PBX1: variants seen among roughly 807,000 people sequenced by gnomAD.
PBX1 encodes the protein PBX homeobox 1, also known as pre-B-cell leukemia transcription factor 1.
In PBX1, 6 loss-of-function variants were observed where a neutral mutation model predicts 53.4. The ratio of observed to expected loss-of-function variants is 0.11; its 90% CI spans 0.06 to 0.22. The LOEUF (loss-of-function observed/expected upper bound fraction) is 0.22. Among genes scored for constraint, PBX1 ranks in the 10% least tolerant of loss-of-function variants. PBX1 has a pLI of 1.00. For missense variants in PBX1, 251 were observed against 551.4 expected (o/e 0.46, Z 5.46); for synonymous variants, 204 against 212.3 (o/e 0.96, Z 0.34).
intron 2 of PBX1, among the ~76,000 whole-genome samples, chr1:164,665,232 C>T (rs771078433): frequency 1.3e-5 from 2 of 152,082 alleles, no homozygotes; most frequent in Non-Finnish European, 2.9e-5. Flanking sequence ...AAGTATTAAA[C>T]ATTTTAAGAA....
intron 2 of PBX1, among the ~76,000 whole-genome samples, chr1:164,677,007 G>A (rs1335344985): frequency 6.6e-6 from 1 of 151,470 alleles, no homozygotes; most frequent in East Asian, 1.9e-4. Context: ...GTAATTCTAA[G>A]GTTTCAACAT....
At chr1:164,644,206 G>A (rs1317144576) in intron 2 of PBX1, among the ~76,000 whole-genome samples, 1 of 152,088 alleles carries the variant, frequency 6.6e-6, no homozygotes, top group African/African-American at 2.4e-5. Flanking sequence ...AGCCGTGGGG[G>A]ATTTTACTTG....
In PBX1 at chr1:164,821,604, T is replaced by C; in HGVS notation, c.1178T>C (p.Met393Thr). 1 of 1,613,950 alleles carries C rather than the reference T, an allele frequency of 6.2e-7. No individual in the cohort carries two copies. ...GYSDGLAASQ[M>T]YSPQGISANG... ...AGTGATGGACTCGCAGCCAGTCAGA[T>C]GTACAGTCCGCAGGGCATCAGTGTA... Residue 393 changes from methionine (M) to threonine (T), a missense_variant, in exon 8 of 9, where the codon ATG becomes ACG. By Grantham distance (81) the Met-to-Thr change is moderately conservative. Transcript: ENST00000420696.
intron 2 of PBX1, among the ~76,000 whole-genome samples, chr1:164,746,084 G>A (rs1023534760): frequency 2.0e-5 from 3 of 152,214 alleles, no homozygotes; most frequent in Non-Finnish European, 4.4e-5. Flanking sequence ...GCTATTCTAA[G>A]TATTTCAAAA....
intron 2 of PBX1, among the ~76,000 whole-genome samples, chr1:164,747,663 A>G (rs1212369915): frequency 6.6e-6 from 1 of 152,158 alleles, no homozygotes; most frequent in East Asian, 1.9e-4. Context: ...GTCTCTTCTT[A>G]GGCTCAGGGT....
At chr1:164,806,397 T>C (rs1377748477) in intron 4 of PBX1, among the ~76,000 whole-genome samples, 2 of 152,196 alleles carry the variant, frequency 1.3e-5, no homozygotes, top group Non-Finnish European at 2.9e-5. Flanking sequence ...GCTTAAGAAG[T>C]GCCACTTTTC....
intron 3 of PBX1, among the ~76,000 whole-genome samples, chr1:164,798,593 T>G (rs1668904722): frequency 6.6e-6 from 1 of 152,252 alleles, no homozygotes; most frequent in Non-Finnish European, 1.5e-5. Flanking sequence ...CTCTTCATGT[T>G]TGCTGTGTGC....
At chr1:164,669,018 A>G (rs58549452) in intron 2 of PBX1, among the ~76,000 whole-genome samples, 2,183 of 152,168 alleles carry the variant, frequency 0.014, 47 homozygotes, top group African/African-American at 0.051. Flanking sequence ...TCCTGTGTTT[A>G]TCATCTTGGA....
At chr1:164,675,589 T>C (rs1344070924) in intron 2 of PBX1, among the ~76,000 whole-genome samples, 1 of 152,092 alleles carries the variant, frequency 6.6e-6, no homozygotes, top group African/African-American at 2.4e-5. Flanking sequence ...CAGGAATTAT[T>C]CTGATTTATC....
At chr1:164,789,259 G>T (rs1322045503) in intron 2 of PBX1, among the ~76,000 whole-genome samples, 1 of 152,196 alleles carries the variant, frequency 6.6e-6, no homozygotes, top group Admixed American at 6.5e-5. Flanking sequence ...TGTAGAGTTT[G>T]TGTGAAATTG....
intron 2 of PBX1, among the ~76,000 whole-genome samples, chr1:164,599,418 A>G (rs1157687823): frequency 6.6e-6 from 1 of 150,882 alleles, no homozygotes; most frequent in Non-Finnish European, 1.5e-5. Flanking sequence ...TTGTGGGCGC[A>G]TATTTACCTT....
intron 2 of PBX1, among the ~76,000 whole-genome samples, chr1:164,865,542 C>T (rs190002913): frequency 6.6e-5 from 10 of 152,264 alleles, no homozygotes; most frequent in Admixed American, 5.2e-4. Flanking sequence ...CACAGTTCTA[C>T]GATTTTTGCA....
intron 2 of PBX1, among the ~76,000 whole-genome samples, chr1:164,875,592 C>A (rs1672484176): frequency 6.6e-6 from 1 of 152,138 alleles, no homozygotes; most frequent in African/African-American, 2.4e-5. Context: ...AGCCACCATG[C>A]CTGGGCCAAA....
intron 2 of PBX1, among the ~76,000 whole-genome samples, chr1:164,789,692 A>G (rs576319499): frequency 5.9e-5 from 9 of 152,270 alleles, no homozygotes; most frequent in African/African-American, 2.2e-4. Context: ...TTGTCCTAAA[A>G]TCTCTCAGTG....
intron 2 of PBX1, among the ~76,000 whole-genome samples, chr1:164,690,280 C>CAG (rs1662389375): frequency 6.6e-6 from 1 of 152,038 alleles, no homozygotes. Context: ...ATCAGACAGA[C>CAG]AGACTGCTGT....
chr1:164,851,562 T>A lies in PBX1; in HGVS notation c.*4886T>A, dbSNP rs891135147. 1.6e-5 allele frequency: 3 copies of A among 187,012 alleles called. No individual in the cohort carries two copies. The highest frequency in any genetic ancestry group is 7.0e-5 in the African/African-American group (3 of 42,748). 11.6% of individuals were successfully genotyped at this position (187,012 alleles called of 1,614,324 possible). A position where few individuals can be genotyped will look rare whatever the true frequency, so the allele number is the denominator to read the frequency against. On this transcript the variant is annotated 3_prime_UTR_variant, in exon 9 of 9. Coordinates refer to ENST00000420696, the MANE Select transcript of PBX1 (RefSeq NM_002585.4). The stretch of plus-strand genomic sequence containing the variant: ...TTCCTTTGGCATTTTCAATTTGAAA[T>A]GCTTTCCTTTGGTTGTTGGTTTTAT...
At chr1:164,629,159 T>C (rs1420688044) in intron 2 of PBX1, among the ~76,000 whole-genome samples, 4 of 152,100 alleles carry the variant, frequency 2.6e-5, no homozygotes, top group African/African-American at 9.7e-5. Context: ...TGTCTCTACA[T>C]TAATATTGGC....
At chr1:164,680,137 C>T (rs1048285612) in intron 2 of PBX1, 6 of 152,066 alleles carry the variant, frequency 3.9e-5, no homozygotes, top group Non-Finnish European at 1.5e-5. Flanking sequence ...TAGGATGGAC[C>T]TACATGGTTT....
chr1:164,663,004 A>G (rs1163198539), intron 2 of PBX1, among the ~76,000 whole-genome samples: 1 of 152,230 alleles, frequency 6.6e-6, no homozygotes. Context: ...ATAGAAATAC[A>G]TTGGTGCTAA....
Sources: allele counts gnomAD v4.1 joint callset (sites outside exome capture counted in the v4.1 genomes callset), GRCh38; gene constraint gnomAD v4.1.1; transcripts MANE v1.5; gene names NCBI Gene and HGNC (gene_info 2026-07-23, HGNC 2026-07-21).